The following COL25A1 variants were observed in gnomAD, a reference collection of about 807,000 sequenced individuals.
COL25A1 encodes collagen alpha-1(XXV) chain.
A neutral mutation model predicts 128.4 loss-of-function variants in COL25A1; 103 were observed. That is an observed-to-expected ratio of 0.80 (90% CI 0.68 to 0.94). The LOEUF (loss-of-function observed/expected upper bound fraction) is 0.94. Ranked by LOEUF, COL25A1 falls within the 40% of genes least tolerant of loss-of-function variation. The pLI is 0.00. For missense variants in COL25A1, 745 were observed against 840.0 expected (o/e 0.89, Z 1.40); for synonymous variants, 279 against 277.2 (o/e 1.01, Z -0.06).
chr4:109,023,437 T>C (rs1469718728), intron 5 of COL25A1, among the ~76,000 whole-genome samples: 1 of 152,196 alleles, frequency 6.6e-6, no homozygotes, highest in Non-Finnish European at 1.5e-5. Context: ...GATTCTGCTG[T>C]TGATTAAATA....
chr4:109,283,388 C>T (rs542825404), intron 3 of COL25A1, among the ~76,000 whole-genome samples: 22 of 152,132 alleles, frequency 1.4e-4, no homozygotes, highest in Non-Finnish European at 2.9e-4. Flanking sequence ...CTGGGACTAC[C>T]GGCATGTGCC....
chr4:108,973,429 T>C (rs1371932359), intron 8 of COL25A1, among the ~76,000 whole-genome samples: 1 of 152,214 alleles, frequency 6.6e-6, no homozygotes, highest in Non-Finnish European at 1.5e-5. Flanking sequence ...GAGGAGATAA[T>C]ACAACTACAA....
rs201684911 is a variant in COL25A1 at position 109,301,778 on chromosome 4, G to C, written c.242C>G (p.Thr81Ser). ...CACCATAGTCTTGAGGTGATCCAGG[G>C]TATCAGGCAGCAGATGAATGGAAGG... ...GAPSIHLLPDTLDHLKTMVQE... is the reference protein window; with the variant it reads ...GAPSIHLLPDSLDHLKTMVQE... Residue 81 changes from threonine to serine, a missense_variant, in exon 2 of 38, where the codon ACC becomes AGC. Coordinates refer to ENST00000399132, the MANE Select transcript of COL25A1 (RefSeq NM_198721.4). 3 of 1,614,264 alleles carry C rather than the reference G, an allele frequency of 1.9e-6. No individual in the cohort carries two copies. The highest frequency in any genetic ancestry group is 2.2e-5 in the South Asian group (2 of 91,088).
chr4:109,168,426 G>A (rs1773276696), intron 3 of COL25A1, among the ~76,000 whole-genome samples: 1 of 152,158 alleles, frequency 6.6e-6, no homozygotes, highest in South Asian at 2.1e-4. Flanking sequence ...TTGCTTTAGA[G>A]TTTCACCATA....
intron 3 of COL25A1, among the ~76,000 whole-genome samples, chr4:109,263,013 C>T (rs1781551823): frequency 6.6e-6 from 1 of 151,974 alleles, no homozygotes; most frequent in African/African-American, 2.4e-5. Context: ...CCTGTAATTC[C>T]AACTACTCAG....
chr4:108,850,010 G>T (rs1312231349), intron 26 of COL25A1, among the ~76,000 whole-genome samples: 1 of 152,048 alleles, frequency 6.6e-6, no homozygotes, highest in Admixed American at 6.6e-5. Flanking sequence ...ATTTTATTTT[G>T]CCACAAACAA....
intron 3 of COL25A1, among the ~76,000 whole-genome samples, chr4:109,070,005 C>A (rs1762781565): frequency 6.6e-6 from 1 of 150,510 alleles, no homozygotes. Flanking sequence ...ACCTGTAATC[C>A]CAGCACTTTG....
At chr4:109,138,924 G>A (rs1003191554) in intron 3 of COL25A1, among the ~76,000 whole-genome samples, 4 of 152,066 alleles carry the variant, frequency 2.6e-5, no homozygotes, top group East Asian at 3.9e-4. Flanking sequence ...AGCCAGGATG[G>A]TCTTGATCTC....
chr4:108,841,141 A>C (rs1349677), intron 31 of COL25A1, among the ~76,000 whole-genome samples: 98,597 of 152,086 alleles, frequency 0.65, 32,754 homozygotes, highest in East Asian at 0.96. Flanking sequence ...AGGAGCTTTT[A>C]TCCCTTGTTC....
intron 13 of COL25A1, among the ~76,000 whole-genome samples, chr4:108,911,386 C>T (rs537684269): frequency 1.3e-5 from 2 of 151,330 alleles, no homozygotes; most frequent in South Asian, 4.2e-4. Flanking sequence ...TGTACCAGGC[C>T]AGGGAGCCCT....
chr4:108,847,068 G>C (rs546283628), intron 27 of COL25A1, among the ~76,000 whole-genome samples: 47 of 151,978 alleles, frequency 3.1e-4, no homozygotes, highest in African/African-American at 6.3e-4. Context: ...ACCATGCCCA[G>C]GTAATTTTTG....
chr4:108,910,268 A>C (rs2125881992), intron 13 of COL25A1, among the ~76,000 whole-genome samples: 1 of 152,218 alleles, frequency 6.6e-6, no homozygotes, highest in Non-Finnish European at 1.5e-5. Context: ...AGAAATTTTA[A>C]ATGTTTATGT....
At chr4:109,245,008 C>A (rs1780167199) in intron 3 of COL25A1, among the ~76,000 whole-genome samples, 1 of 151,988 alleles carries the variant, frequency 6.6e-6, no homozygotes, top group South Asian at 2.1e-4. Flanking sequence ...AAGTAAACCT[C>A]CAACTTTCTC....
rs757816505 is a variant in COL25A1, at chr4:108,896,722, G to A, written c.862-11C>T. ...CTCTCCAGCGTCTCCCTGAGGAGGT[G>A]AGAAAGTGACACATGTAAAATACAT... is the stretch of plus-strand genomic sequence containing the variant. On this transcript the variant is annotated splice_polypyrimidine_tract_variant and intron_variant, in intron 15 of 37. Transcript: ENST00000399132. The A allele has an allele frequency of 1.2e-6, 2 of 1,613,042 alleles. No homozygotes were observed. Among genetic ancestry groups the A allele is most frequent in the Non-Finnish European group, 1.7e-6 (2 of 1,179,046 alleles).
At chr4:109,082,701 G>A (rs971047873) in intron 3 of COL25A1, among the ~76,000 whole-genome samples, 6 of 151,950 alleles carry the variant, frequency 3.9e-5, no homozygotes, top group South Asian at 2.1e-4. Flanking sequence ...CATGCCTTGC[G>A]GGATATATGA....
Position 109,045,219 on chromosome 4 carries a change from A to C in COL25A1, c.420+2949T>G, listed in dbSNP as rs78982737. ...ATATTAATTAACCATTTGTGTTATC[A>C]GTAAGGTTTTCTGTCAATAGTAGGT... is the stretch of plus-strand genomic sequence containing the variant. On this transcript the variant is annotated intron_variant, in intron 5 of 37. Coordinates refer to ENST00000399132, the MANE Select transcript of COL25A1 (RefSeq NM_198721.4). 4.0e-4 allele frequency among the ~76,000 whole-genome samples: 61 copies of C among 152,300 alleles called. 1 individual carries two copies. In the East Asian group the frequency reaches 9.1e-3, roughly 23 times the overall value.
intron 3 of COL25A1, among the ~76,000 whole-genome samples, chr4:109,075,561 T>A (rs1247504332): frequency 2.6e-5 from 4 of 152,144 alleles, no homozygotes; most frequent in Non-Finnish European, 5.9e-5. Flanking sequence ...ACCTATTAGA[T>A]CTTCTCACAA....
intron 15 of COL25A1, 69 bp downstream of exon 15, chr4:108,899,085 T>A: frequency 1.3e-6 from 2 of 1,502,194 alleles, no homozygotes; most frequent in Non-Finnish European, 1.8e-6. Flanking sequence ...ATAGTTTAGT[T>A]TGAGTACTTC....
At chr4:109,070,391 T>A (rs182984977) in intron 3 of COL25A1, among the ~76,000 whole-genome samples, 152 of 151,996 alleles carry the variant, frequency 1.0e-3, no homozygotes, top group East Asian at 9.3e-3. Flanking sequence ...TCCCACATCA[T>A]AAGCCCTTTC....
Sources: gnomAD v4.1 joint callset for allele counts (sites outside exome capture counted in the v4.1 genomes callset) on GRCh38, gnomAD v4.1.1 for gene constraint, MANE v1.5 for transcripts, NCBI Gene and HGNC (gene_info 2026-07-23, HGNC 2026-07-21) for gene names.